OGN: variants seen among roughly 807,000 people sequenced by gnomAD.
The protein encoded by OGN is osteoglycin.
In OGN, 19 loss-of-function variants were observed where a neutral mutation model predicts 30.8. That is an observed-to-expected ratio of 0.62 (90% CI 0.43 to 0.90). The LOEUF is 0.90. Ranked by LOEUF, OGN falls within the 40% of genes least tolerant of loss-of-function variation. OGN has a pLI of 0.00. For missense variants in OGN, 283 were observed against 349.7 expected, an observed-to-expected ratio of 0.81 and a Z score of 1.52; for synonymous variants, 126 against 128.3, an observed-to-expected ratio of 0.98 and a Z score of 0.12.
chr9:92,391,565 C>A (rs1251664095), intron 4 of OGN, among the ~76,000 whole-genome samples: 3 of 152,180 alleles, frequency 2.0e-5, no homozygotes, highest in Admixed American at 6.5e-5. Flanking sequence ...CACCACTGCA[C>A]TTCAGCCTGG....
At chr9:92,394,164 ATTTG>A (rs1162588333) in intron 3 of OGN, among the ~76,000 whole-genome samples, 8 of 151,978 alleles carry the variant, frequency 5.3e-5, no homozygotes, top group African/African-American at 1.9e-4. Context: ...TTCCTTCTAC[ATTTG>A]TTAGTTGGCA....
chr9:92,390,840 C>T (rs936956410), intron 4 of OGN, among the ~76,000 whole-genome samples: 2 of 152,190 alleles, frequency 1.3e-5, no homozygotes, highest in African/African-American at 2.4e-5. Context: ...ATTGTTGAAT[C>T]ATTAATATTG....
chr9:92,390,837 A>G (rs1842647290), intron 4 of OGN, among the ~76,000 whole-genome samples: 1 of 152,214 alleles, frequency 6.6e-6, no homozygotes, highest in Non-Finnish European at 1.5e-5. Flanking sequence ...TATATTGTTG[A>G]ATCATTAATA....
intron 3 of OGN, among the ~76,000 whole-genome samples, chr9:92,398,004 T>C (rs1174652103): frequency 6.6e-6 from 1 of 152,214 alleles, no homozygotes; most frequent in Non-Finnish European, 1.5e-5. Flanking sequence ...TTTCCGTATT[T>C]GTAATGTTTC....
At chr9:92,402,519 T>G (rs1418206921) in intron 2 of OGN, among the ~76,000 whole-genome samples, 2 of 152,192 alleles carry the variant, frequency 1.3e-5, no homozygotes, top group Admixed American at 1.3e-4. Context: ...CTGTATTAAC[T>G]TTTTCCTTAC....
chr9:92,388,562 C>G (rs1254622317), intron 5 of OGN, among the ~76,000 whole-genome samples: 2 of 151,642 alleles, frequency 1.3e-5, no homozygotes, highest in Non-Finnish European at 2.9e-5. Flanking sequence ...AAAAAAAGGC[C>G]AGGCACGGTG....
At chr9:92,395,831 T>TC (rs1329433346) in intron 3 of OGN, among the ~76,000 whole-genome samples, 2 of 152,114 alleles carry the variant, frequency 1.3e-5, no homozygotes, top group East Asian at 1.9e-4. Context: ...TTTTTTTTTT[T>TC]CCCTCTTACT....
chr9:92,403,272 C>G lies in OGN; in HGVS notation c.136G>C (p.Asp46His). 1.2e-6 allele frequency: 2 copies of G among 1,602,752 alleles called. No individual in the cohort carries two copies. The highest frequency in any genetic ancestry group is 1.1e-5 in the South Asian group (1 of 90,134). The change falls in exon 2 of 7, where the codon GAT (aspartate) becomes CAT (histidine). Residue 46 changes from aspartate to histidine, a missense_variant. Asp to His is a moderately conservative substitution (Grantham distance 81). Transcript: ENST00000375561. ...DNFEESIFSQ[D>H]YEDKYLDGKN... ...CCATCCAGGTATTTATCCTCATAAT[C>G]TTGGCTAAATATGGATTCTTCAAAA... is the stretch of plus-strand genomic sequence containing the variant.
At chr9:92,391,276 G>A (rs748343482) in intron 4 of OGN, among the ~76,000 whole-genome samples, 75 of 151,736 alleles carry the variant, frequency 4.9e-4, no homozygotes, top group Middle Eastern at 3.4e-3. Context: ...GCGTGGTGGC[G>A]AGCACTTGTA....
intron 3 of OGN, among the ~76,000 whole-genome samples, chr9:92,394,637 C>A (rs946503247): frequency 2.0e-5 from 3 of 151,774 alleles, no homozygotes; most frequent in African/African-American, 7.3e-5. Context: ...TGAAGTCTCG[C>A]TTCGTCACCC....
rs76697189 is a variant in OGN, at chr9:92,401,540, C to A, written c.175-355G>T. ...AAAGTTTTTCTGAGGTGAAACTGTTCCTCAGGGGTCTTGTCTGAACTGAGT... is the reference window on the plus strand; with the variant it reads ...AAAGTTTTTCTGAGGTGAAACTGTTACTCAGGGGTCTTGTCTGAACTGAGT... On this transcript the variant is annotated intron_variant, in intron 2 of 6. Transcript: ENST00000375561. Among the ~76,000 whole-genome samples, 29 of 152,254 alleles carry A rather than the reference C, an allele frequency of 1.9e-4. No homozygotes were observed. In the East Asian group the frequency reaches 5.6e-3, roughly 29 times the overall value.
intron 4 of OGN, among the ~76,000 whole-genome samples, chr9:92,390,436 G>C (rs750824175): frequency 1.3e-5 from 2 of 151,856 alleles, no homozygotes; most frequent in Non-Finnish European, 2.9e-5. Context: ...TTTTTTGCTG[G>C]CATGTTGCGT....
chr9:92,389,946 G>A lies in OGN; in HGVS notation c.538C>T (p.Leu180=), dbSNP rs746882470. The change falls in exon 5 of 7, where the codon CTA becomes TTA. Residue 180 remains leucine (L), a synonymous_variant. Transcript: ENST00000375561. ...TTGGGAGGAAGAACTGGAAGTTTTA[G>A]TAGTTGATTTTCAGCAAGTGAAAGT... The part of the protein sequence containing the change: ...EELSLAENQL[L]KLPVLPPKLT... 1 of 1,612,432 alleles carries A rather than the reference G, an allele frequency of 6.2e-7. No homozygotes were observed. Among genetic ancestry groups the A allele is most frequent in the Non-Finnish European group, 8.5e-7 (1 of 1,178,744 alleles).
At chr9:92,400,563 A>C (rs1843071470) in intron 3 of OGN, among the ~76,000 whole-genome samples, 1 of 152,232 alleles carries the variant, frequency 6.6e-6, no homozygotes. Context: ...AGAAATTAAT[A>C]TGTGGTTTTT....
chr9:92,393,118 T>C lies in OGN; in HGVS notation c.395A>G (p.Lys132Arg). 1 of 1,613,680 alleles carries C rather than the reference T, an allele frequency of 6.2e-7. No homozygotes were observed. Among genetic ancestry groups the C allele is most frequent in the Non-Finnish European group, 8.5e-7 (1 of 1,179,878 alleles). The change falls in exon 4 of 7, where the codon AAA (lysine) becomes AGA (arginine). Residue 132 changes from lysine to arginine, a missense_variant. Transcript: ENST00000375561. ...TGCAAAATCTTTGGCAGTCAGCTTT[T>C]TAATTTTGTTGAATCGTGCGTAAAG... is the stretch of plus-strand genomic sequence containing the variant. ...AYLYARFNKIKKLTAKDFADI... is the reference protein window; with the variant it reads ...AYLYARFNKIRKLTAKDFADI...
rs895399591 is a variant in OGN at position 92,383,673 on chromosome 9, G to A, written c.*1947C>T. Among the ~76,000 whole-genome samples, 4 of 151,922 alleles carry A rather than the reference G, an allele frequency of 2.6e-5. No homozygotes were observed. Among genetic ancestry groups the A allele is most frequent in the Non-Finnish European group, 4.4e-5 (3 of 67,954 alleles). ...GATTTAAGGTTGTGTATATGAAGGTGTAAGGTATGCATGTTCATATATATC... is the reference window on the plus strand; with the variant it reads ...GATTTAAGGTTGTGTATATGAAGGTATAAGGTATGCATGTTCATATATATC... On this transcript the variant is annotated 3_prime_UTR_variant, in exon 7 of 7. Transcript: ENST00000375561.
chr9:92,386,022 T>C (rs1307439853), intron 6 of OGN, among the ~76,000 whole-genome samples, 179 bp downstream of exon 6: 2 of 152,190 alleles, frequency 1.3e-5, no homozygotes, highest in Non-Finnish European at 2.9e-5. Flanking sequence ...GAATCTGGAC[T>C]TCTGGGAAGA....
chr9:92,404,348 C>T (rs1429780266), intron 1 of OGN, 148 bp downstream of exon 1: 16 of 360,710 alleles, frequency 4.4e-5, no homozygotes, highest in South Asian at 3.0e-4. Context: ...TAAATTTATG[C>T]GATGATATAC....
chr9:92,393,642 T>C (rs1021753747), intron 3 of OGN, among the ~76,000 whole-genome samples: 1 of 152,216 alleles, frequency 6.6e-6, no homozygotes. Context: ...AAGGAAGCCA[T>C]TAACTTGAAA....
Sources: allele counts gnomAD v4.1 joint callset (sites outside exome capture counted in the v4.1 genomes callset), GRCh38; gene constraint gnomAD v4.1.1; transcripts MANE v1.5; gene names NCBI Gene and HGNC (gene_info 2026-07-23, HGNC 2026-07-21).